CD1B: variants seen among roughly 807,000 people sequenced by gnomAD.
CD1B encodes T-cell surface glycoprotein CD1b.
Under a neutral mutation model 39.8 loss-of-function variants are expected in CD1B, and 43 were observed. The observed-to-expected ratio is 1.08, with a 90% CI of 0.85 to 1.39. CD1B has a LOEUF of 1.39. Ranked by LOEUF, CD1B falls within the 40% of genes most tolerant of loss-of-function variation. CD1B has a pLI of 0.00. For synonymous variants in CD1B, 192 were observed against 152.5 expected (o/e 1.26, Z -1.91); for missense variants, 495 against 403.8 (o/e 1.23, Z -1.94).
At chr1:158,298,482 A>T in the CD1B span, among the ~76,000 whole-genome samples, 2 of 152,154 alleles carry the variant, frequency 1.3e-5, no homozygotes, top group African/African-American at 4.8e-5. Flanking sequence ...TTTGCTTAGG[A>T]TTGTCTTGGC....
At chr1:158,293,122 A>G in the CD1B span, 2 of 1,041,848 alleles carry the variant, frequency 1.9e-6, no homozygotes, top group Non-Finnish European at 2.9e-6. Flanking sequence ...CAACTCATCC[A>G]ATGCATATGT....
At chr1:158,308,267 C>T in the CD1B span, among the ~76,000 whole-genome samples, 9 of 152,170 alleles carry the variant, frequency 5.9e-5, no homozygotes, top group East Asian at 1.5e-3. Flanking sequence ...AGGAATCCAA[C>T]TTACAAGGGA....
the CD1B span, among the ~76,000 whole-genome samples, chr1:158,318,446 T>G: frequency 8.5e-5 from 13 of 152,330 alleles, no homozygotes; most frequent in South Asian, 2.7e-3. Flanking sequence ...TTGATCTTTA[T>G]TAGTTTAAAG....
chr1:158,306,549 G>A, the CD1B span, among the ~76,000 whole-genome samples: 1 of 152,118 alleles, frequency 6.6e-6, no homozygotes, highest in African/African-American at 2.4e-5. Flanking sequence ...AGGATATCCA[G>A]GAACTGAACT....
At chr1:158,294,687 C>A in the CD1B span, among the ~76,000 whole-genome samples, 2 of 152,160 alleles carry the variant, frequency 1.3e-5, no homozygotes, top group Non-Finnish European at 2.9e-5. Context: ...GGCATTCTTG[C>A]AACTACTGAT....
At chr1:158,290,584 G>T in the CD1B span, among the ~76,000 whole-genome samples, 1 of 152,140 alleles carries the variant, frequency 6.6e-6, no homozygotes, top group Non-Finnish European at 1.5e-5. Flanking sequence ...AGCAGATGGG[G>T]AAATGAGAGA....
At chr1:158,324,398 GT>G, downstream of CD1B, among the ~76,000 whole-genome samples, 1 of 152,296 alleles carries the variant, frequency 6.6e-6, no homozygotes, top group Middle Eastern at 3.4e-3. Flanking sequence ...AATTCTTGGA[GT>G]TGGGGGATAT....
the CD1B span, among the ~76,000 whole-genome samples, chr1:158,320,992 T>C: frequency 6.6e-6 from 1 of 152,224 alleles, no homozygotes; most frequent in Non-Finnish European, 1.5e-5. Flanking sequence ...AACTACTGGA[T>C]AGAATGTTCT....
At chr1:158,292,004 C>A in the CD1B span, 3 of 1,412,374 alleles carry the variant, frequency 2.1e-6, no homozygotes, top group African/African-American at 1.4e-5. Context: ...TGCTTCACTT[C>A]CTGATACAGC....
At chr1:158,302,231 G>T in the CD1B span, among the ~76,000 whole-genome samples, 1 of 152,134 alleles carries the variant, frequency 6.6e-6, no homozygotes, top group African/African-American at 2.4e-5. Context: ...TCAGGAAATT[G>T]TTCTAACAAA....
At chr1:158,297,790 C>T in the CD1B span, among the ~76,000 whole-genome samples, 3 of 151,954 alleles carry the variant, frequency 2.0e-5, no homozygotes, top group African/African-American at 4.8e-5. Flanking sequence ...AGAAAATTAG[C>T]TAAGAATGGT....
downstream of CD1B, among the ~76,000 whole-genome samples, chr1:158,327,048 C>T (rs187881956): frequency 7.7e-4 from 118 of 152,284 alleles, no homozygotes; most frequent in Middle Eastern, 0.014. Flanking sequence ...CCACCTGCCT[C>T]GGCCTCCCAA....
chr1:158,301,069 T>C, the CD1B span, among the ~76,000 whole-genome samples: 1 of 152,116 alleles, frequency 6.6e-6, no homozygotes, highest in Non-Finnish European at 1.5e-5. Context: ...TCTTTTGATC[T>C]TTATTGGTTA....
intron 5 of CD1B, 33 bp from the exon 6 acceptor site, chr1:158,328,290 A>C: frequency 6.3e-7 from 1 of 1,590,256 alleles, no homozygotes; most frequent in Non-Finnish European, 8.6e-7. Flanking sequence ...AGAGCTCCAC[A>C]TAAAAGATGT....
chr1:158,286,381 C>A, the CD1B span, among the ~76,000 whole-genome samples: 9 of 152,302 alleles, frequency 5.9e-5, no homozygotes, highest in East Asian at 3.9e-4. Flanking sequence ...TGCCAGTTTC[C>A]CTTCTTACAC....
At chr1:158,309,928 A>G in the CD1B span, among the ~76,000 whole-genome samples, 10 of 152,128 alleles carry the variant, frequency 6.6e-5, no homozygotes, top group Middle Eastern at 3.4e-3. Context: ...ACATGTATAC[A>G]TATGTAACTA....
the CD1B span, among the ~76,000 whole-genome samples, chr1:158,318,392 G>T: frequency 3.3e-5 from 5 of 152,268 alleles, no homozygotes; most frequent in Admixed American, 3.3e-4. Flanking sequence ...TCTTCTTGTT[G>T]AATTGATCCC....
chr1:158,291,206 A>C, the CD1B span: 1 of 1,613,868 alleles, frequency 6.2e-7, no homozygotes. Context: ...GCACGAGGTC[A>C]GGGCTCAGGA....
chr1:158,317,456 G>A, the CD1B span, among the ~76,000 whole-genome samples: 4 of 151,726 alleles, frequency 2.6e-5, no homozygotes, highest in African/African-American at 4.8e-5. Flanking sequence ...GCGTAGAGGT[G>A]TTTGTAGTAT....
Sources: allele counts gnomAD v4.1 joint callset (sites outside exome capture counted in the v4.1 genomes callset), GRCh38; gene constraint gnomAD v4.1.1; transcripts MANE v1.5; gene names NCBI Gene and HGNC (gene_info 2026-07-23, HGNC 2026-07-21).